SHTN1: variants seen among roughly 807,000 people sequenced by gnomAD.
SHTN1 encodes the protein shootin-1.
In SHTN1, 42 loss-of-function variants were observed where a neutral mutation model predicts 83.1. That is an observed-to-expected ratio of 0.51 (90% CI 0.39 to 0.65). The LOEUF is 0.65. SHTN1 is among the 30% of genes least tolerant of loss of function. The pLI, the probability that SHTN1 is intolerant of heterozygous loss-of-function variation, is 0.00. For synonymous variants in SHTN1, 224 were observed against 247.7 expected, an observed-to-expected ratio of 0.90 and a Z score of 0.90; for missense variants, 622 against 737.8, an observed-to-expected ratio of 0.84 and a Z score of 1.82.
intron 1 of SHTN1, among the ~76,000 whole-genome samples, chr10:117,064,270 T>C (rs974539746): frequency 2.6e-5 from 4 of 152,204 alleles, no homozygotes; most frequent in African/African-American, 9.6e-5. Flanking sequence ...TGGGCTACAT[T>C]TGCAAAGGTT....
At chr10:116,964,507 G>A (rs1390229610) in intron 3 of SHTN1, among the ~76,000 whole-genome samples, 4 of 152,162 alleles carry the variant, frequency 2.6e-5, no homozygotes, top group Non-Finnish European at 5.9e-5. Context: ...AACTCCCAGC[G>A]ATATTTAGAT....
intron 1 of SHTN1, among the ~76,000 whole-genome samples, chr10:117,093,326 C>T (rs1853459953): frequency 6.6e-6 from 1 of 152,002 alleles, no homozygotes; most frequent in African/African-American, 2.4e-5. Context: ...TTGAGCACTT[C>T]ACAATCACTA....
intron 12 of SHTN1, among the ~76,000 whole-genome samples, chr10:116,919,026 T>C (rs1848465083): frequency 6.6e-6 from 1 of 152,156 alleles, no homozygotes; most frequent in Non-Finnish European, 1.5e-5. Context: ...GGAGTAAAAG[T>C]TTCCCTACTA....
chr10:116,928,784 C>T (rs1564881486), intron 10 of SHTN1, among the ~76,000 whole-genome samples: 3 of 152,162 alleles, frequency 2.0e-5, no homozygotes, highest in Admixed American at 6.5e-5. Flanking sequence ...TGCACCTATC[C>T]CTCCAAGGGG....
At chr10:117,005,532 C>T (rs1936846077), upstream of SHTN1, 1 of 1,001,310 alleles carries the variant, frequency 1.0e-6, no homozygotes, top group Non-Finnish European at 1.2e-6. Flanking sequence ...TGGACGCTTC[C>T]CGGGGGTCGC....
intron 3 of SHTN1, among the ~76,000 whole-genome samples, chr10:116,964,238 A>G (rs1157224163): frequency 2.0e-5 from 3 of 152,184 alleles, no homozygotes; most frequent in African/African-American, 7.2e-5. Context: ...GCCTTGTGCT[A>G]AACTCTTTAC....
intron 15 of SHTN1, among the ~76,000 whole-genome samples, chr10:116,905,842 G>A (rs747966582): frequency 7.9e-5 from 12 of 152,164 alleles, no homozygotes; most frequent in Non-Finnish European, 1.5e-4. Context: ...AAAGGTTTCC[G>A]TTAATTCCCA....
rs377333865 is a variant in SHTN1 at position 117,079,179 on chromosome 10, TCCC to T, written c.-188-30672_-188-30670del. Among the ~76,000 whole-genome samples, 3 of 113,968 alleles carry T rather than the reference TCCC, an allele frequency of 2.6e-5. No individual in the cohort carries two copies. The East Asian group carries it at 8.5e-4, about 32-fold the overall frequency. The allele number at this position is 113,968 out of a possible 152,430, so 74.8% of individuals were successfully genotyped here. ...CAGGTATATCTCCCAATGCTATCCC[TCCC>T]CCCCTCCCCCGACCCCACAACAGTC... On this transcript the variant is annotated intron_variant, in intron 1 of 17. Transcript: ENST00000392901.
chr10:116,986,873 C>A (rs529869627), intron 1 of SHTN1, among the ~76,000 whole-genome samples: 1 of 151,704 alleles, frequency 6.6e-6, no homozygotes, highest in African/African-American at 2.4e-5. Flanking sequence ...GGATTACAGG[C>A]GCCCGCCACC....
chr10:117,124,271 G>T lies in SHTN1; in HGVS notation c.-189+2036C>A, dbSNP rs901156975. Among the ~76,000 whole-genome samples the T allele has an allele frequency of 2.0e-5, 3 of 151,868 alleles. 1 individual carries two copies. Among genetic ancestry groups the T allele is most frequent in the Admixed American group, 6.6e-5 (1 of 15,242 alleles). On this transcript the variant is annotated intron_variant, in intron 1 of 17. Coordinates refer to the SHTN1 transcript ENST00000392901. The stretch of plus-strand genomic sequence containing the variant: ...CACTGATGGTCCTGACTCTAACCTG[G>T]GGGTTAATGAGCCTCAGGCAATGAA...
chr10:116,927,985 T>G (rs1848808606), intron 10 of SHTN1, 94 bp from the exon 11 acceptor site: 1 of 1,452,328 alleles, frequency 6.9e-7, no homozygotes, highest in East Asian at 2.4e-5. Context: ...TTCTCAAAAG[T>G]AAGTTCTTTT....
intron 1 of SHTN1, among the ~76,000 whole-genome samples, chr10:117,098,909 A>G (rs1397534691): frequency 6.6e-6 from 1 of 151,842 alleles, no homozygotes; most frequent in Non-Finnish European, 1.5e-5. Context: ...TCGATCCTTA[A>G]AAGACTTCAA....
At chr10:116,903,513 G>A (rs1847833248) in intron 15 of SHTN1, among the ~76,000 whole-genome samples, 1 of 151,790 alleles carries the variant, frequency 6.6e-6, no homozygotes, top group African/African-American at 2.4e-5. Context: ...CGACAAGAGA[G>A]ACTTCATCTC....
chr10:117,088,965 A>G (rs1853389436), intron 1 of SHTN1, among the ~76,000 whole-genome samples: 1 of 152,152 alleles, frequency 6.6e-6, no homozygotes, highest in Admixed American at 6.5e-5. Context: ...TCCTCTCTAT[A>G]TCCCTATAAC....
intron 7 of SHTN1, among the ~76,000 whole-genome samples, chr10:116,946,134 T>C (rs1268843822): frequency 6.6e-6 from 1 of 151,308 alleles, no homozygotes; most frequent in African/African-American, 2.4e-5. Flanking sequence ...GTTTGTAAGG[T>C]ACCAGCAAGT....
Position 117,053,019 on chromosome 10 carries a change from CA to C in SHTN1, c.-188-4510del, listed in dbSNP as rs57069034. Reference sequence around the variant, plus strand: ...TGGGCAACAGAGCAAGACTGTGTCTCAAAAAAAAAAAGAATTAAGAATTAAG... The same window carrying C: ...TGGGCAACAGAGCAAGACTGTGTCTCAAAAAAAAAAGAATTAAGAATTAAG... On this transcript the variant is annotated intron_variant, in intron 1 of 17. Transcript: ENST00000392901. Among the ~76,000 whole-genome samples, 7 of 11,470 alleles carry C rather than the reference CA, an allele frequency of 6.1e-4. 1 individual carries two copies. The highest frequency in any genetic ancestry group is 7.2e-4 in the African/African-American group (6 of 8,356). 7.5% of individuals were successfully genotyped at this position (11,470 alleles called of 152,430 possible).
chr10:117,105,760 A>T (rs1264615790), intron 1 of SHTN1, among the ~76,000 whole-genome samples: 1 of 152,204 alleles, frequency 6.6e-6, no homozygotes, highest in Non-Finnish European at 1.5e-5. Context: ...GCTCACATCT[A>T]TAATCCCAAA....
intron 4 of SHTN1, 135 bp from the exon 5 acceptor site, chr10:116,954,345 G>T: frequency 1.8e-6 from 1 of 554,376 alleles, no homozygotes; most frequent in Non-Finnish European, 3.1e-6. Context: ...ACAATTAGTG[G>T]ATTCATTAAA....
intron 9 of SHTN1, among the ~76,000 whole-genome samples, chr10:116,937,875 T>C (rs1344552196): frequency 6.6e-6 from 1 of 151,976 alleles, no homozygotes; most frequent in East Asian, 1.9e-4. Context: ...TCAGTCTTTT[T>C]TCAGTAATCT....
Sources: gnomAD v4.1 joint callset for allele counts (sites outside exome capture counted in the v4.1 genomes callset) on GRCh38, gnomAD v4.1.1 for gene constraint, MANE v1.5 for transcripts, NCBI Gene and HGNC (gene_info 2026-07-23, HGNC 2026-07-21) for gene names.